The following ATAD2B variants were observed in gnomAD, a reference collection of about 807,000 sequenced individuals.
ATAD2B encodes the protein ATPase family AAA domain containing 2B, also known as ATPase family AAA domain-containing protein 2B.
In ATAD2B, 40 loss-of-function variants were observed where a neutral mutation model predicts 167.6. The ratio of observed to expected loss-of-function variants is 0.24; its 90% CI spans 0.19 to 0.31. The LOEUF (loss-of-function observed/expected upper bound fraction) is 0.31, where lower values mean the gene tolerates loss of function less well. Ranked by LOEUF, ATAD2B falls within the 10% of genes least tolerant of loss-of-function variation. ATAD2B has a pLI of 1.00. For synonymous variants in ATAD2B, 579 were observed against 596.5 expected, an observed-to-expected ratio of 0.97 and a Z score of 0.43; for missense variants, 1,242 against 1,757.2, an observed-to-expected ratio of 0.71 and a Z score of 5.24.
chr2:23,774,863 G>A (rs1352943232), intron 22 of ATAD2B, among the ~76,000 whole-genome samples: 4 of 152,212 alleles, frequency 2.6e-5, no homozygotes, highest in Admixed American at 6.5e-5. Context: ...TCGTGCCATT[G>A]TGCTCCAGCC....
At chr2:23,708,970 A>G in the ATAD2B span, among the ~76,000 whole-genome samples, 5,377 of 152,322 alleles carry the variant, frequency 0.035, 112 homozygotes, top group Non-Finnish European at 0.045. Flanking sequence ...CCAGCTCATG[A>G]GCCTAAGAGG....
chr2:23,826,080 A>G (rs1031946963), intron 15 of ATAD2B, among the ~76,000 whole-genome samples: 2 of 152,164 alleles, frequency 1.3e-5, no homozygotes, highest in African/African-American at 2.4e-5. Context: ...CCATCTGAAT[A>G]AACACTGAAA....
the ATAD2B span, among the ~76,000 whole-genome samples, chr2:23,729,538 C>A: frequency 5.3e-5 from 8 of 152,148 alleles, no homozygotes; most frequent in East Asian, 1.5e-3. Flanking sequence ...GCCTCCTCTG[C>A]GCAACTCATC....
At chr2:23,872,468 C>T in intron 8 of ATAD2B, 1 of 737,798 alleles carries the variant, frequency 1.4e-6, no homozygotes. Flanking sequence ...GCAATCAGCA[C>T]CCATTTCCCC....
At chr2:23,754,413 C>A in intron 26 of ATAD2B, 106 bp from the exon 27 acceptor site, 1 of 1,253,384 alleles carries the variant, frequency 8.0e-7, no homozygotes, top group Non-Finnish European at 1.1e-6. Flanking sequence ...GAGGATGTAA[C>A]AGTGAACATG....
the ATAD2B span, chr2:23,685,292 C>G: frequency 6.6e-6 from 1 of 151,890 alleles, no homozygotes; most frequent in Non-Finnish European, 1.5e-5. Context: ...TGCTTCATAC[C>G]TTTGCAAAGA....
chr2:23,884,285 C>G (rs772792499), intron 6 of ATAD2B, among the ~76,000 whole-genome samples: 4 of 152,120 alleles, frequency 2.6e-5, no homozygotes, highest in African/African-American at 4.8e-5. Context: ...AGTTCAGAAC[C>G]CACAAATGCC....
At chr2:23,814,677 A>G (rs1686153856) in intron 17 of ATAD2B, among the ~76,000 whole-genome samples, 1 of 152,142 alleles carries the variant, frequency 6.6e-6, no homozygotes, top group African/African-American at 2.4e-5. Context: ...TGGAGGGTAC[A>G]GTAAAGGTAC....
chr2:23,741,158 A>T, the ATAD2B span, among the ~76,000 whole-genome samples: 13 of 149,334 alleles, frequency 8.7e-5, no homozygotes, highest in Non-Finnish European at 1.5e-5. Flanking sequence ...ATGCCATCCC[A>T]ATCAAGCTAC....
At chr2:23,920,154 A>G (rs1194270549) in intron 1 of ATAD2B, among the ~76,000 whole-genome samples, 1 of 151,220 alleles carries the variant, frequency 6.6e-6, no homozygotes, top group Non-Finnish European at 1.5e-5. Context: ...CTGCCTCAAA[A>G]AAAAAAAAAA....
chr2:23,843,495 C>T (rs1225236178), intron 13 of ATAD2B, among the ~76,000 whole-genome samples: 2 of 152,214 alleles, frequency 1.3e-5, no homozygotes, highest in Non-Finnish European at 2.9e-5. Context: ...AATGGCTCTC[C>T]AATTACGGGC....
the ATAD2B span, among the ~76,000 whole-genome samples, chr2:23,711,962 A>G: frequency 6.6e-6 from 1 of 152,138 alleles, no homozygotes; most frequent in Non-Finnish European, 1.5e-5. Context: ...TTCACCCTTT[A>G]AGAAGACGAA....
chr2:23,714,229 T>G, the ATAD2B span, among the ~76,000 whole-genome samples: 2 of 151,786 alleles, frequency 1.3e-5, no homozygotes. Context: ...AATTTAGAAT[T>G]CTCAAAATAC....
At chr2:23,818,137 CACACAGAG>C (rs1311445648) in intron 17 of ATAD2B, among the ~76,000 whole-genome samples, 20 of 133,640 alleles carry the variant, frequency 1.5e-4, no homozygotes, top group African/African-American at 4.9e-4. Flanking sequence ...CACACACACA[CACACAGAG>C]AGAGAGAAGG....
At chr2:23,834,878 C>A (rs967706455) in intron 13 of ATAD2B, among the ~76,000 whole-genome samples, 1 of 151,998 alleles carries the variant, frequency 6.6e-6, no homozygotes, top group Non-Finnish European at 1.5e-5. Context: ...CACAGTGAGA[C>A]CCCATCTCCA....
chr2:23,874,774 G>C (rs893337689), intron 8 of ATAD2B, among the ~76,000 whole-genome samples: 9 of 151,980 alleles, frequency 5.9e-5, no homozygotes, highest in Non-Finnish European at 1.2e-4. Flanking sequence ...AGGATAATTA[G>C]GGCCGGGTGT....
At chr2:23,778,523 C>G (rs1408476827) in intron 22 of ATAD2B, among the ~76,000 whole-genome samples, 2 of 152,054 alleles carry the variant, frequency 1.3e-5, no homozygotes, top group Non-Finnish European at 2.9e-5. Context: ...TATGCAGGTA[C>G]CCACTAAGAA....
chr2:23,738,721 G>A, the ATAD2B span, among the ~76,000 whole-genome samples: 2 of 152,132 alleles, frequency 1.3e-5, no homozygotes, highest in African/African-American at 2.4e-5. Context: ...AATGTAAATG[G>A]GCTAAATGCT....
At chr2:23,891,709 C>T (rs181693220) in intron 2 of ATAD2B, among the ~76,000 whole-genome samples, 147 of 151,890 alleles carry the variant, frequency 9.7e-4, no homozygotes, top group African/African-American at 3.5e-3. Context: ...GGCTGGTCTC[C>T]AACTCCTGAC....
Sources: allele counts gnomAD v4.1 joint callset (sites outside exome capture counted in the v4.1 genomes callset), GRCh38; gene constraint gnomAD v4.1.1; transcripts MANE v1.5; gene names NCBI Gene and HGNC (gene_info 2026-07-23, HGNC 2026-07-21).